DEPTOR: variants seen among roughly 807,000 people sequenced by gnomAD.
DEPTOR encodes the protein DEP domain-containing mTOR-interacting protein.
DEPTOR carries 41 observed loss-of-function variants against 41.6 expected under a neutral mutation model. The ratio of observed to expected loss-of-function variants is 0.98; its 90% CI spans 0.77 to 1.28. The LOEUF (loss-of-function observed/expected upper bound fraction) is 1.28. Ranked by LOEUF, DEPTOR falls within the 50% of genes most tolerant of loss-of-function variation. The pLI is 0.00. For missense variants in DEPTOR, 514 were observed against 527.9 expected, an observed-to-expected ratio of 0.97 and a Z score of 0.26; for synonymous variants, 195 against 192.3, an observed-to-expected ratio of 1.01 and a Z score of -0.12.
intron 3 of DEPTOR, among the ~76,000 whole-genome samples, chr8:119,949,954 A>G (rs1385673419): frequency 2.0e-5 from 3 of 152,186 alleles, no homozygotes; most frequent in Non-Finnish European, 4.4e-5. Context: ...TGCTGGGATT[A>G]CAGATGCGAA....
At chr8:120,044,950 G>T (rs1586672258) in intron 8 of DEPTOR, among the ~76,000 whole-genome samples, 1 of 152,134 alleles carries the variant, frequency 6.6e-6, no homozygotes, top group Non-Finnish European at 1.5e-5. Flanking sequence ...GCAATTAAAA[G>T]TTGCAAAACC....
chr8:120,013,346 A>C (rs1004486079), intron 8 of DEPTOR, among the ~76,000 whole-genome samples: 2 of 152,204 alleles, frequency 1.3e-5, no homozygotes, highest in Admixed American at 1.3e-4. Flanking sequence ...TTCATTAGAA[A>C]TTATTTTGTA....
At chr8:119,945,986 C>T (rs1828266838) in intron 3 of DEPTOR, among the ~76,000 whole-genome samples, 1 of 152,164 alleles carries the variant, frequency 6.6e-6, no homozygotes, top group Non-Finnish European at 1.5e-5. Context: ...TGATGAAAGG[C>T]TTTGTCCACG....
intron 5 of DEPTOR, among the ~76,000 whole-genome samples, 186 bp from the exon 6 acceptor site, chr8:120,002,791 A>AAAAATATATATAT: frequency 1.9e-3 from 113 of 60,648 alleles, no homozygotes; most frequent in Non-Finnish European, 2.4e-3. Context: ...AAAAAAAAAA[A>AAAAATATATATAT]ATATATATAT....
intron 3 of DEPTOR, among the ~76,000 whole-genome samples, chr8:119,933,158 C>T (rs1417186177): frequency 2.6e-5 from 4 of 152,070 alleles, no homozygotes; most frequent in Admixed American, 1.3e-4. Flanking sequence ...TCACCCCTTT[C>T]CCTAAATCAC....
intron 2 of DEPTOR, 22 bp from the exon 3 acceptor site, chr8:119,929,793 C>A: frequency 6.3e-7 from 1 of 1,574,896 alleles, no homozygotes. Flanking sequence ...TCATTTGCTT[C>A]TCTGTGCATA....
At chr8:120,033,972 C>A (rs1191173371) in intron 8 of DEPTOR, among the ~76,000 whole-genome samples, 1 of 152,172 alleles carries the variant, frequency 6.6e-6, no homozygotes, top group South Asian at 2.1e-4. Context: ...GGGGCTGAAG[C>A]AGGAGACTTG....
At chr8:119,918,751 G>A (rs192499928) in intron 1 of DEPTOR, among the ~76,000 whole-genome samples, 58 of 152,088 alleles carry the variant, frequency 3.8e-4, no homozygotes, top group Non-Finnish European at 6.3e-4. Context: ...GTGCCACCGC[G>A]CCCAGCCTAA....
rs564428700 is a variant in DEPTOR, at chr8:119,926,519, G to A, written c.123-1881G>A. Among the ~76,000 whole-genome samples the A allele has an allele frequency of 2.6e-4, 39 of 152,234 alleles. No individual in the cohort carries two copies. The South Asian group carries it at 7.7e-3, about 30-fold the overall frequency. On this transcript the variant is annotated intron_variant, in intron 1 of 8. Transcript: ENST00000286234. ...CAGTATAATAAATTGTTTTTTTAAA[G>A]TATAAGTAGGTCCCATGCAATATTT... is the stretch of plus-strand genomic sequence containing the variant.
chr8:119,998,803 C>A (rs1414815052), intron 4 of DEPTOR, among the ~76,000 whole-genome samples: 3 of 152,088 alleles, frequency 2.0e-5, no homozygotes, highest in Non-Finnish European at 4.4e-5. Context: ...GGAATTGTTT[C>A]TCACAGAAGC....
Position 120,001,625 on chromosome 8 carries a change from C to A in DEPTOR, c.705C>A (p.Ser235=). The A allele has an allele frequency of 6.8e-6, 11 of 1,613,966 alleles. No individual in the cohort carries two copies. The highest frequency in any genetic ancestry group is 9.3e-6 in the Non-Finnish European group (11 of 1,179,962). The stretch of plus-strand genomic sequence containing the variant: ...TGATGGAGCTGCTCAATGAAAAGTC[C>A]CCCTCCTCCCAGGAAACTCATGACA... ...RRLMELLNEK[S]PSSQETHDSP... is the part of the protein sequence containing the mutation. Residue 235 remains serine (S), a synonymous_variant, in exon 5 of 9, where the codon TCC becomes TCA. Transcript: ENST00000286234.
chr8:120,006,727 A>C, intron 6 of DEPTOR, 78 bp from the exon 7 acceptor site: 2 of 1,290,796 alleles, frequency 1.5e-6, no homozygotes, highest in Non-Finnish European at 1.1e-6. Flanking sequence ...CACCTACGAG[A>C]TATCAATAAA....
intron 8 of DEPTOR, among the ~76,000 whole-genome samples, chr8:120,043,673 T>C (rs1484205718): frequency 6.6e-6 from 1 of 152,170 alleles, no homozygotes; most frequent in East Asian, 1.9e-4. Context: ...TTGTGTGAAC[T>C]TGAGCAAATA....
intron 1 of DEPTOR, among the ~76,000 whole-genome samples, chr8:119,917,342 A>G (rs549437089): frequency 2.6e-5 from 4 of 152,292 alleles, no homozygotes; most frequent in South Asian, 4.1e-4. Context: ...TGTGGGGAAA[A>G]GAAAGATCAG....
chr8:119,980,508 CTT>C, intron 4 of DEPTOR, among the ~76,000 whole-genome samples: 1 of 88,112 alleles, frequency 1.1e-5, no homozygotes, highest in African/African-American at 3.8e-5. Flanking sequence ...CTTTTCTTTT[CTT>C]TTCTCTCTTT....
chr8:119,893,832 G>A (rs1827480841), intron 1 of DEPTOR, among the ~76,000 whole-genome samples: 1 of 151,804 alleles, frequency 6.6e-6, no homozygotes, highest in South Asian at 2.1e-4. Context: ...TCTGTCACCT[G>A]TAACTCTGCT....
intron 4 of DEPTOR, among the ~76,000 whole-genome samples, chr8:119,995,350 G>C (rs989760828): frequency 3.7e-4 from 56 of 152,244 alleles, no homozygotes; most frequent in African/African-American, 1.3e-3. Context: ...ACTTTGGGAG[G>C]CAAGGCGAGT....
At chr8:119,932,874 C>T (rs1055743825) in intron 3 of DEPTOR, among the ~76,000 whole-genome samples, 5 of 151,964 alleles carry the variant, frequency 3.3e-5, no homozygotes, top group African/African-American at 1.2e-4. Flanking sequence ...ACATCCCAGG[C>T]AAAGGGAACG....
At chr8:119,983,052 C>A (rs755297985) in intron 4 of DEPTOR, among the ~76,000 whole-genome samples, 1 of 152,294 alleles carries the variant, frequency 6.6e-6, no homozygotes, top group South Asian at 2.1e-4. Flanking sequence ...ATGAAACATA[C>A]GCTTTTAAGG....
Sources: allele counts gnomAD v4.1 joint callset (sites outside exome capture counted in the v4.1 genomes callset), GRCh38; gene constraint gnomAD v4.1.1; transcripts MANE v1.5; gene names NCBI Gene and HGNC (gene_info 2026-07-23, HGNC 2026-07-21).